The following KIF6 variants were observed in gnomAD, a reference collection of about 807,000 sequenced individuals.
The protein encoded by KIF6 is kinesin family member 6, also known as kinesin-like protein KIF6.
A neutral mutation model predicts 112.7 loss-of-function variants in KIF6; 106 were observed. That is an observed-to-expected ratio of 0.94 (90% CI 0.80 to 1.11). The LOEUF is 1.11. Among genes scored for constraint, KIF6 ranks in the 50% least tolerant of loss-of-function variants. KIF6 has a pLI of 0.00. For missense variants in KIF6, 929 were observed against 964.0 expected (o/e 0.96, Z 0.48); for synonymous variants, 339 against 339.9 (o/e 1.00, Z 0.03).
At chr6:39,472,675 C>T (rs1037252604) in intron 13 of KIF6, among the ~76,000 whole-genome samples, 2 of 152,152 alleles carry the variant, frequency 1.3e-5, no homozygotes, top group African/African-American at 4.8e-5. Flanking sequence ...AAAGGAGCTG[C>T]CTGACTTTCT....
Position 39,412,858 on chromosome 6 carries a change from G to A in KIF6, c.1810+7090C>T, listed in dbSNP as rs1887713. On this transcript the variant is annotated intron_variant, in intron 15 of 22. Coordinates refer to ENST00000287152, the MANE Select transcript of KIF6 (RefSeq NM_145027.6). Reference sequence around the variant, plus strand: ...AGCGTGGCTGGGTGCTGTCTCTTAGGGGGGGCTTATCGTGCTGCTGTCCCC... The same window carrying A: ...AGCGTGGCTGGGTGCTGTCTCTTAGAGGGGGCTTATCGTGCTGCTGTCCCC... 3.2e-4 allele frequency among the ~76,000 whole-genome samples: 48 copies of A among 151,982 alleles called. No individual in the cohort carries two copies. In the East Asian group the frequency reaches 8.3e-3, roughly 26 times the overall value.
intron 10 of KIF6, among the ~76,000 whole-genome samples, chr6:39,573,528 T>G (rs957918351): frequency 3.3e-5 from 5 of 152,162 alleles, no homozygotes; most frequent in Non-Finnish European, 7.3e-5. Flanking sequence ...AGTGCCAAAT[T>G]TACTACTTTT....
intron 3 of KIF6, among the ~76,000 whole-genome samples, chr6:39,681,262 C>T (rs1200044811): frequency 6.6e-6 from 1 of 152,048 alleles, no homozygotes; most frequent in Non-Finnish European, 1.5e-5. Flanking sequence ...CAGAAGAATA[C>T]CCAATTAAAA....
intron 13 of KIF6, among the ~76,000 whole-genome samples, chr6:39,486,667 T>C (rs1775133562): frequency 6.6e-6 from 1 of 152,232 alleles, no homozygotes; most frequent in Non-Finnish European, 1.5e-5. Context: ...ATGTACATAC[T>C]AAAGAAACCC....
At chr6:39,599,974 T>C (rs1232264354) in intron 6 of KIF6, among the ~76,000 whole-genome samples, 1 of 152,224 alleles carries the variant, frequency 6.6e-6, no homozygotes, top group African/African-American at 2.4e-5. Flanking sequence ...TAACTTCTCA[T>C]AAATATTTTC....
chr6:39,519,683 C>T (rs1777270804), intron 13 of KIF6, among the ~76,000 whole-genome samples: 1 of 105,858 alleles, frequency 9.4e-6, no homozygotes, highest in Non-Finnish European at 2.0e-5. Context: ...GATCAACTGC[C>T]CCCACATCCC....
chr6:39,339,815 G>A (rs1225951325), intron 22 of KIF6, among the ~76,000 whole-genome samples: 1 of 152,160 alleles, frequency 6.6e-6, no homozygotes, highest in Non-Finnish European at 1.5e-5. Context: ...AAATCAAATA[G>A]ATTCATCCTG....
Position 39,428,889 on chromosome 6 carries a change from A to T in KIF6, c.1754+2164T>A, listed in dbSNP as rs149451005. On this transcript the variant is annotated intron_variant, in intron 14 of 22. Transcript: ENST00000287152. The stretch of plus-strand genomic sequence containing the variant: ...ATTCTACCTGTCTACTTCCCCAGTG[A>T]TGGATACTCAGCATGTTTCCAACTC... Among the ~76,000 whole-genome samples the T allele has an allele frequency of 2.5e-3, 388 of 152,326 alleles. 1 individual carries two copies. The highest frequency in any genetic ancestry group is 8.9e-3 in the African/African-American group (372 of 41,584).
chr6:39,462,831 A>G (rs1383600969), intron 13 of KIF6, among the ~76,000 whole-genome samples: 2 of 152,182 alleles, frequency 1.3e-5, no homozygotes, highest in Non-Finnish European at 2.9e-5. Context: ...ACTTGTACAG[A>G]GAAAATATTC....
At chr6:39,474,600 C>CA (rs1179891340) in intron 13 of KIF6, among the ~76,000 whole-genome samples, 2 of 152,124 alleles carry the variant, frequency 1.3e-5, no homozygotes, top group Non-Finnish European at 2.9e-5. Context: ...TAAGTGATCA[C>CA]AAAAAAACAT....
intron 5 of KIF6, among the ~76,000 whole-genome samples, chr6:39,628,759 A>G (rs1258658174): frequency 1.3e-5 from 2 of 152,020 alleles, no homozygotes; most frequent in African/African-American, 4.8e-5. Flanking sequence ...GTATGATATC[A>G]TGTGCCCACC....
intron 19 of KIF6, among the ~76,000 whole-genome samples, chr6:39,349,143 G>A (rs975672561): frequency 3.3e-5 from 5 of 152,158 alleles, no homozygotes; most frequent in Non-Finnish European, 5.9e-5. Context: ...CAGGGTTCTC[G>A]ACTGCAGGGT....
intron 10 of KIF6, among the ~76,000 whole-genome samples, chr6:39,565,488 T>C (rs2150605344): frequency 6.6e-6 from 1 of 152,284 alleles, no homozygotes; most frequent in Middle Eastern, 3.4e-3. Context: ...AACAGGAGGA[T>C]AAATCTCAAT....
chr6:39,427,008 C>A (rs1405895631), intron 14 of KIF6, among the ~76,000 whole-genome samples: 1 of 152,220 alleles, frequency 6.6e-6, no homozygotes, highest in Non-Finnish European at 1.5e-5. Context: ...AATGTCCCAA[C>A]ACCAGCATGG....
intron 3 of KIF6, among the ~76,000 whole-genome samples, chr6:39,655,162 A>G (rs1785703007): frequency 6.6e-6 from 1 of 152,004 alleles, no homozygotes; most frequent in African/African-American, 2.4e-5. Flanking sequence ...CTTATTTTAA[A>G]TTTTCTTTTA....
intron 19 of KIF6, among the ~76,000 whole-genome samples, chr6:39,353,471 C>T (rs1023155541): frequency 2.6e-5 from 4 of 152,164 alleles, no homozygotes; most frequent in African/African-American, 9.7e-5. Context: ...ACTTCAGATA[C>T]AAGTCCTTTA....
chr6:39,337,235 C>CTTTCTTTCTTT (rs1562103021), intron 22 of KIF6, among the ~76,000 whole-genome samples: 2 of 76,348 alleles, frequency 2.6e-5, no homozygotes, highest in Admixed American at 1.5e-4. Flanking sequence ...TTCTTTCTTT[C>CTTTCTTTCTTT]TTTTTCTTTC....
intron 7 of KIF6, among the ~76,000 whole-genome samples, chr6:39,595,667 CT>C (rs1468572932): frequency 1.3e-5 from 2 of 152,132 alleles, no homozygotes; most frequent in Non-Finnish European, 2.9e-5. Context: ...ATGGATGAAT[CT>C]TGAAAACATT....
At position 39,333,990 on chromosome 6, in the gene KIF6, C is replaced by T. The variant is rs1762827047; in HGVS notation, c.*2542G>A. The stretch of plus-strand genomic sequence containing the variant: ...ATCAATTTCTCCCATTTGCAGAGGC[C>T]AGTGAACTCTGGGAAGGTGCACTGC... On this transcript the variant is annotated 3_prime_UTR_variant, in exon 23 of 23. Transcript: ENST00000287152. 6.6e-6 allele frequency: 1 copy of T among 152,244 alleles called. No homozygotes were observed. Among genetic ancestry groups the T allele is most frequent in the Non-Finnish European group, 1.5e-5 (1 of 68,046 alleles). 9.4% of individuals were successfully genotyped at this position (152,244 alleles called of 1,614,324 possible).
Sources: gnomAD v4.1 joint callset for allele counts (sites outside exome capture counted in the v4.1 genomes callset) on GRCh38, gnomAD v4.1.1 for gene constraint, MANE v1.5 for transcripts, NCBI Gene and HGNC (gene_info 2026-07-23, HGNC 2026-07-21) for gene names.